Variants in SLA observed in about 807,000 individuals in gnomAD.
SLA encodes the protein src-like-adapter.
Under a neutral mutation model 30.3 loss-of-function variants are expected in SLA, and 16 were observed. That is an observed-to-expected ratio of 0.53 (90% CI 0.36 to 0.80). The LOEUF is 0.80. SLA is among the 30% of genes least tolerant of loss of function. The pLI is 0.01. For missense variants in SLA, 310 were observed against 345.2 expected (o/e 0.90, Z 0.81); for synonymous variants, 143 against 137.8 (o/e 1.04, Z -0.26).
chr8:133,074,588 C>A (rs1396732041), intron 2 of SLA, among the ~76,000 whole-genome samples: 1 of 152,204 alleles, frequency 6.6e-6, no homozygotes, highest in Non-Finnish European at 1.5e-5. Flanking sequence ...TAAGTACAAG[C>A]CTTTTTGGCG....
chr8:133,044,007 C>G (rs1838816961), intron 7 of SLA, among the ~76,000 whole-genome samples: 1 of 152,154 alleles, frequency 6.6e-6, no homozygotes, highest in Non-Finnish European at 1.5e-5. Flanking sequence ...CCCCACTTTC[C>G]ATGAACTAAC....
chr8:133,044,093 C>T (rs986817869), intron 7 of SLA, among the ~76,000 whole-genome samples: 14 of 151,788 alleles, frequency 9.2e-5, no homozygotes, highest in African/African-American at 3.4e-4. Flanking sequence ...AAGTGAGACA[C>T]AAACAGCCAA....
At chr8:133,061,723 TA>T (rs1227224428) in intron 2 of SLA, among the ~76,000 whole-genome samples, 1 of 152,098 alleles carries the variant, frequency 6.6e-6, no homozygotes, top group East Asian at 1.9e-4. Flanking sequence ...GATCAAACCT[TA>T]TGAAGGGCAC....
At chr8:133,076,946 C>T (rs1039717178) in intron 1 of SLA, among the ~76,000 whole-genome samples, 10 of 152,114 alleles carry the variant, frequency 6.6e-5, no homozygotes, top group Non-Finnish European at 1.5e-4. Flanking sequence ...ACTACTTCCC[C>T]TAGGAGGAGT....
rs1247173136 is a variant in SLA at position 133,074,989 on chromosome 8, G to A, written c.-177C>T. 1.0e-5 allele frequency: 10 copies of A among 985,392 alleles called. No individual in the cohort carries two copies. The highest frequency in any genetic ancestry group is 1.1e-5 in the Non-Finnish European group (9 of 829,988). The allele number at this position is 985,392 out of a possible 1,614,324, so 61.0% of individuals were successfully genotyped here. Reference sequence around the variant, plus strand: ...CCGGGCTTCTCGCGGTTGTGGAGAAGCAGCCCATGCTACACAGAAGAACTG... The same window carrying A: ...CCGGGCTTCTCGCGGTTGTGGAGAAACAGCCCATGCTACACAGAAGAACTG... On this transcript the variant is annotated 5_prime_UTR_variant, in exon 2 of 9. Transcript: ENST00000338087.
intron 4 of SLA, chr8:133,050,229 C>T: frequency 1.9e-6 from 1 of 532,026 alleles, no homozygotes; most frequent in South Asian, 2.4e-5. Flanking sequence ...CTAGAAATAG[C>T]TGCTTTTCAG....
At position 133,060,168 on chromosome 8, in the gene SLA, T is replaced by C; in HGVS notation, c.-8A>G. The C allele has an allele frequency of 6.2e-7, 1 of 1,612,630 alleles. No individual in the cohort carries two copies. The stretch of plus-strand genomic sequence containing the variant: ...TTTCATGCTGTTTCCCATTTCTTTC[T>C]TTTTCCCTGGGGCCGCTGGTGATGC... On this transcript the variant is annotated 5_prime_UTR_variant, in exon 3 of 9. Transcript: ENST00000338087.
intron 1 of SLA, among the ~76,000 whole-genome samples, chr8:133,088,722 G>C (rs1847007854): frequency 6.6e-6 from 1 of 152,194 alleles, no homozygotes; most frequent in Non-Finnish European, 1.5e-5. Flanking sequence ...TTGTCTCCTA[G>C]ATCATGTCTA....
At chr8:133,096,303 G>C (rs116726914) in intron 1 of SLA, 3 of 1,614,140 alleles carry the variant, frequency 1.9e-6, no homozygotes, top group Non-Finnish European at 2.5e-6. Context: ...AGGTCTTTAT[G>C]GGTAGAGGTC....
At chr8:133,058,164 G>T (rs773263868) in intron 3 of SLA, among the ~76,000 whole-genome samples, 2 of 152,174 alleles carry the variant, frequency 1.3e-5, no homozygotes, top group Admixed American at 6.5e-5. Flanking sequence ...TCACTGCACC[G>T]CCTTCCCCTC....
At chr8:133,074,242 T>A (rs1844523287) in intron 2 of SLA, among the ~76,000 whole-genome samples, 1 of 152,206 alleles carries the variant, frequency 6.6e-6, no homozygotes, top group Non-Finnish European at 1.5e-5. Flanking sequence ...AGATTGTTAT[T>A]AATTATCTTC....
intron 3 of SLA, among the ~76,000 whole-genome samples, chr8:133,052,604 A>C (rs1840621922): frequency 6.6e-6 from 1 of 152,228 alleles, no homozygotes; most frequent in African/African-American, 2.4e-5. Flanking sequence ...ACTCCACCCC[A>C]GTAAGTAGAG....
chr8:133,079,230 C>T (rs992549291), intron 1 of SLA, among the ~76,000 whole-genome samples: 1 of 152,134 alleles, frequency 6.6e-6, no homozygotes, highest in African/African-American at 2.4e-5. Context: ...AAAAAGACAC[C>T]CAGTACCATC....
chr8:133,094,990 G>T (rs1848186916), intron 1 of SLA: 2 of 1,611,118 alleles, frequency 1.2e-6, no homozygotes, highest in South Asian at 2.2e-5. Context: ...CTCCAGGTGA[G>T]CAGGGGCTGA....
At chr8:133,062,031 C>A (rs931563859) in intron 2 of SLA, among the ~76,000 whole-genome samples, 1 of 152,194 alleles carries the variant, frequency 6.6e-6, no homozygotes, top group Non-Finnish European at 1.5e-5. Flanking sequence ...AGACAATGAC[C>A]AGGCTCGCAA....
intron 2 of SLA, among the ~76,000 whole-genome samples, chr8:133,060,677 C>T (rs1842243350): frequency 6.6e-6 from 1 of 152,198 alleles, no homozygotes. Flanking sequence ...TTGAGTTTGT[C>T]AGCATGCTTT....
At chr8:133,049,216 T>C (rs1323014166) in intron 5 of SLA, 2 of 453,456 alleles carry the variant, frequency 4.4e-6, no homozygotes, top group Non-Finnish European at 8.9e-6. Context: ...TATTTTCTTA[T>C]CTGTTGAGCC....
intron 1 of SLA, among the ~76,000 whole-genome samples, chr8:133,091,632 G>A (rs1441977294): frequency 1.3e-5 from 2 of 152,024 alleles, no homozygotes; most frequent in Non-Finnish European, 2.9e-5. Flanking sequence ...GTGTGTCTAT[G>A]TGTGTGTATC....
intron 1 of SLA, among the ~76,000 whole-genome samples, chr8:133,101,482 A>C (rs1164654204): frequency 6.6e-6 from 1 of 152,142 alleles, no homozygotes; most frequent in African/African-American, 2.4e-5. Context: ...GGAGGGCCTC[A>C]ATCTCAGCCA....
Sources: gnomAD v4.1 joint callset for allele counts (sites outside exome capture counted in the v4.1 genomes callset) on GRCh38, gnomAD v4.1.1 for gene constraint, MANE v1.5 for transcripts, NCBI Gene and HGNC (gene_info 2026-07-23, HGNC 2026-07-21) for gene names.